Variants in KRABD5 observed in about 807,000 individuals in gnomAD.
KRABD5 encodes the protein KRAB domain-containing protein 5.
the KRABD5 span, among the ~76,000 whole-genome samples, chr16:31,740,931 T>G: frequency 1.3e-5 from 2 of 152,220 alleles, no homozygotes; most frequent in Non-Finnish European, 2.9e-5. Context: ...ATCCAGATAA[T>G]GAGCATAGTG....
At chr16:31,753,625 A>G in the KRABD5 span, 3 of 795,332 alleles carry the variant, frequency 3.8e-6, no homozygotes, top group Non-Finnish European at 5.6e-6. Flanking sequence ...TCATATATCA[A>G]TTGAGAAAAC....
the KRABD5 span, chr16:31,758,979 T>A: frequency 1.2e-5 from 2 of 162,160 alleles, no homozygotes; most frequent in Non-Finnish European, 2.7e-5. Context: ...CTGTAGCAAA[T>A]TTTTCATGTT....
the KRABD5 span, among the ~76,000 whole-genome samples, chr16:31,752,633 A>T: frequency 1.3e-5 from 2 of 152,174 alleles, no homozygotes; most frequent in Non-Finnish European, 2.9e-5. Flanking sequence ...TGAGAATCTG[A>T]GGCTATAGTA....
At chr16:31,748,158 A>G in the KRABD5 span, among the ~76,000 whole-genome samples, 1 of 152,136 alleles carries the variant, frequency 6.6e-6, no homozygotes, top group Admixed American at 6.5e-5. Context: ...ATCTTGAATT[A>G]ATTTTTGTAT....
chr16:31,718,106 C>T, the KRABD5 span, among the ~76,000 whole-genome samples: 1 of 152,242 alleles, frequency 6.6e-6, no homozygotes, highest in East Asian at 1.9e-4. Context: ...TCCTCTTGCC[C>T]AAATGCCCAT....
the KRABD5 span, among the ~76,000 whole-genome samples, chr16:31,745,387 C>G: frequency 7.9e-5 from 12 of 152,164 alleles, no homozygotes; most frequent in African/African-American, 2.9e-4. Flanking sequence ...TCCCAGGAAT[C>G]ATGCAGGAGC....
At chr16:31,740,008 G>A in the KRABD5 span, among the ~76,000 whole-genome samples, 1 of 152,138 alleles carries the variant, frequency 6.6e-6, no homozygotes. Context: ...TTTCCTGTAA[G>A]GAATACTTTT....
chr16:31,755,510 C>CT, the KRABD5 span: 1 of 461,084 alleles, frequency 2.2e-6, no homozygotes, highest in South Asian at 1.6e-5. Flanking sequence ...TTCCTCATGT[C>CT]TTTCTGTGCA....
At chr16:31,721,981 C>G in the KRABD5 span, among the ~76,000 whole-genome samples, 1 of 152,220 alleles carries the variant, frequency 6.6e-6, no homozygotes, top group Non-Finnish European at 1.5e-5. Context: ...ACTTTTCCAC[C>G]TGAGAATTAT....
chr16:31,751,367 C>A, the KRABD5 span, among the ~76,000 whole-genome samples: 1 of 152,200 alleles, frequency 6.6e-6, no homozygotes, highest in Non-Finnish European at 1.5e-5. Flanking sequence ...GATACCAGCT[C>A]TTCCTTGTAC....
the KRABD5 span, among the ~76,000 whole-genome samples, chr16:31,751,209 T>A: frequency 1.4e-4 from 21 of 152,220 alleles, no homozygotes; most frequent in Non-Finnish European, 2.4e-4. Flanking sequence ...TGTTGAAGAT[T>A]TTTGTGTCTA....
chr16:31,750,500 C>T, the KRABD5 span, among the ~76,000 whole-genome samples: 1 of 152,128 alleles, frequency 6.6e-6, no homozygotes, highest in Non-Finnish European at 1.5e-5. Flanking sequence ...TTCTTTTCCT[C>T]TTTGGATGCC....
chr16:31,759,647 G>A, the KRABD5 span: 3 of 360,868 alleles, frequency 8.3e-6, no homozygotes, highest in East Asian at 8.8e-5. Flanking sequence ...CTGGGGGCAG[G>A]TCTATATATT....
chr16:31,729,958 A>AT, the KRABD5 span, among the ~76,000 whole-genome samples: 1 of 151,848 alleles, frequency 6.6e-6, no homozygotes, highest in Non-Finnish European at 1.5e-5. Context: ...ACATTTTAAA[A>AT]CTTTTTATAT....
At chr16:31,718,210 T>C in the KRABD5 span, among the ~76,000 whole-genome samples, 2 of 152,024 alleles carry the variant, frequency 1.3e-5, no homozygotes, top group South Asian at 4.2e-4. Flanking sequence ...TTCTCCAGGA[T>C]GTGTGAGAGC....
At chr16:31,722,083 T>C in the KRABD5 span, among the ~76,000 whole-genome samples, 2 of 152,350 alleles carry the variant, frequency 1.3e-5, no homozygotes, top group Non-Finnish European at 2.9e-5. Context: ...TTTTTTGTTT[T>C]TGTTTTTTGA....
the KRABD5 span, among the ~76,000 whole-genome samples, chr16:31,715,537 T>G: frequency 6.6e-6 from 1 of 152,212 alleles, no homozygotes; most frequent in Non-Finnish European, 1.5e-5. Context: ...AATTACAGTC[T>G]TTGCTGAGTT....
At chr16:31,713,460 C>T in the KRABD5 span, 1 of 1,600,058 alleles carries the variant, frequency 6.2e-7, no homozygotes, top group Non-Finnish European at 8.5e-7. Flanking sequence ...TCGGGGGTCC[C>T]CAGAAGAGGG....
At chr16:31,725,166 A>G in the KRABD5 span, among the ~76,000 whole-genome samples, 1 of 151,160 alleles carries the variant, frequency 6.6e-6, no homozygotes, top group Non-Finnish European at 1.5e-5. Flanking sequence ...CCCGGGCTGG[A>G]GTGCAGTGGC....
Sources: allele counts gnomAD v4.1 joint callset (sites outside exome capture counted in the v4.1 genomes callset), GRCh38; gene constraint gnomAD v4.1.1; transcripts MANE v1.5; gene names NCBI Gene and HGNC (gene_info 2026-07-23, HGNC 2026-07-21).